CSMD1: variants seen among roughly 807,000 people sequenced by gnomAD.
CSMD1 encodes the protein CUB and sushi domain-containing protein 1.
Under a neutral mutation model 417.5 loss-of-function variants are expected in CSMD1, and 213 were observed. The ratio of observed to expected loss-of-function variants is 0.51; its 90% confidence interval spans 0.46 to 0.57. The LOEUF (loss-of-function observed/expected upper bound fraction) is 0.57. Among genes scored for constraint, CSMD1 ranks in the 20% least tolerant of loss-of-function variants. The pLI, the probability that CSMD1 is intolerant of heterozygous loss-of-function variation, is 0.00. For missense variants in CSMD1, 6,923 were observed against 4,529.7 expected, an observed-to-expected ratio of 1.53 and a Z score of -15.17; for synonymous variants, 2,862 against 1,736.8, an observed-to-expected ratio of 1.65 and a Z score of -16.11.
At chr8:3,999,327 G>C (rs886616508) in intron 4 of CSMD1, among the ~76,000 whole-genome samples, 1 of 152,116 alleles carries the variant, frequency 6.6e-6, no homozygotes, top group Non-Finnish European at 1.5e-5. Flanking sequence ...CTTACAAAGT[G>C]CATATCTTCG....
chr8:2,942,897 G>A (rs1359413072), intron 68 of CSMD1, among the ~76,000 whole-genome samples: 2 of 152,122 alleles, frequency 1.3e-5, no homozygotes, highest in Non-Finnish European at 2.9e-5. Flanking sequence ...TATAGTTATA[G>A]GTGTTTTCAC....
At chr8:4,050,590 A>G (rs73658551) in intron 3 of CSMD1, among the ~76,000 whole-genome samples, 5,786 of 152,170 alleles carry the variant, frequency 0.038, 348 homozygotes, top group African/African-American at 0.12. Flanking sequence ...ATTTCAAAAT[A>G]TACAATTAAA....
intron 12 of CSMD1, among the ~76,000 whole-genome samples, chr8:3,432,783 G>T (rs991685285): frequency 6.6e-6 from 1 of 151,982 alleles, no homozygotes; most frequent in Non-Finnish European, 1.5e-5. Context: ...CAAAGTCCTG[G>T]GATTACAGGC....
Position 4,693,767 on chromosome 8 carries a change from C to T in CSMD1, c.86-56209G>A, listed in dbSNP as rs1041988342. Among the ~76,000 whole-genome samples the T allele has an allele frequency of 3.3e-4, 6 of 18,304 alleles. No individual in the cohort carries two copies. In the African/African-American group the frequency reaches 4.1e-3, roughly 12 times the overall value. 12.0% of individuals were successfully genotyped at this position (18,304 alleles called of 152,430 possible). A position where few individuals can be genotyped will look rare whatever the true frequency, so the allele number is the denominator to read the frequency against. ...TCATAGCTCACTACAGCCCCAAATT[C>T]CTAGGCTCAAGCCATTCTCCTGCCT... On this transcript the variant is annotated intron_variant, in intron 1 of 69. Coordinates refer to ENST00000635120, the MANE Select transcript of CSMD1 (RefSeq NM_033225.6).
At chr8:3,743,468 G>A (rs762923490) in intron 6 of CSMD1, among the ~76,000 whole-genome samples, 1 of 152,190 alleles carries the variant, frequency 6.6e-6, no homozygotes, top group African/African-American at 2.4e-5. Flanking sequence ...ATAAGTAATT[G>A]ATATTGACTT....
intron 3 of CSMD1, among the ~76,000 whole-genome samples, chr8:4,142,180 C>G (rs188985062): frequency 3.3e-5 from 5 of 151,122 alleles, no homozygotes; most frequent in Non-Finnish European, 7.4e-5. Flanking sequence ...CATCATGACT[C>G]AAGATAATCA....
At chr8:3,087,938 A>G (rs1194377956) in intron 48 of CSMD1, among the ~76,000 whole-genome samples, 1 of 152,254 alleles carries the variant, frequency 6.6e-6, no homozygotes, top group Non-Finnish European at 1.5e-5. Context: ...GTAGAAATAT[A>G]TAACATTTTC....
chr8:2,973,064 G>C, intron 57 of CSMD1, 53 bp downstream of exon 57: 4 of 1,545,340 alleles, frequency 2.6e-6, no homozygotes, highest in South Asian at 2.4e-5. Context: ...ATTTTAGAAC[G>C]AGCTGTGTGG....
intron 7 of CSMD1, among the ~76,000 whole-genome samples, chr8:3,648,682 T>A (rs891062010): frequency 1.3e-5 from 2 of 152,176 alleles, no homozygotes; most frequent in African/African-American, 4.8e-5. Context: ...CTATACCAAA[T>A]CCTATAAAAA....
intron 2 of CSMD1, among the ~76,000 whole-genome samples, chr8:4,571,947 G>T (rs1798913783): frequency 6.6e-6 from 1 of 152,158 alleles, no homozygotes. Context: ...TGCAACCCAT[G>T]CTTATTTTTT....
chr8:2,973,410 G>C (rs540888508), intron 56 of CSMD1, 111 bp from the exon 57 acceptor site: 22 of 1,053,184 alleles, frequency 2.1e-5, no homozygotes, highest in Non-Finnish European at 3.1e-5. Flanking sequence ...TTTCACATGA[G>C]TTATGGTTAC....
chr8:3,483,434 G>C (rs1235011950), intron 11 of CSMD1, among the ~76,000 whole-genome samples: 1 of 151,880 alleles, frequency 6.6e-6, no homozygotes, highest in African/African-American at 2.4e-5. Context: ...ACTCAACCAA[G>C]ATAAAACAGA....
intron 1 of CSMD1, among the ~76,000 whole-genome samples, chr8:4,808,334 C>A (rs980121696): frequency 3.3e-5 from 5 of 152,150 alleles, no homozygotes; most frequent in African/African-American, 1.2e-4. Flanking sequence ...CTTTCCACCA[C>A]CCCTTCCTGC....
intron 4 of CSMD1, among the ~76,000 whole-genome samples, chr8:4,026,356 G>C (rs1797064931): frequency 6.6e-6 from 1 of 152,140 alleles, no homozygotes; most frequent in Non-Finnish European, 1.5e-5. Flanking sequence ...GAAGAACAAA[G>C]TTTCCTGTGA....
chr8:3,654,436 T>C (rs1037211042), intron 7 of CSMD1, among the ~76,000 whole-genome samples: 6 of 152,096 alleles, frequency 3.9e-5, no homozygotes, highest in Admixed American at 2.6e-4. Context: ...CCTGTGCACA[T>C]AGGGAAAAGA....
chr8:4,167,805 C>A (rs1348528857), intron 3 of CSMD1, among the ~76,000 whole-genome samples: 4 of 152,102 alleles, frequency 2.6e-5, no homozygotes, highest in Non-Finnish European at 4.4e-5. Flanking sequence ...GCCTGGGCAA[C>A]ATACTCAGAC....
chr8:3,923,978 C>T (rs1809462389), intron 5 of CSMD1, among the ~76,000 whole-genome samples: 2 of 152,182 alleles, frequency 1.3e-5, no homozygotes, highest in Non-Finnish European at 2.9e-5. Context: ...TTTGACTATA[C>T]ACTTACCTTT....
intron 3 of CSMD1, among the ~76,000 whole-genome samples, chr8:4,167,630 T>C (rs892674590): frequency 6.6e-6 from 1 of 152,154 alleles, no homozygotes; most frequent in Non-Finnish European, 1.5e-5. Flanking sequence ...GACAGATAAA[T>C]CCATCTGTTT....
intron 2 of CSMD1, among the ~76,000 whole-genome samples, chr8:4,427,605 T>C (rs1350618277): frequency 6.6e-6 from 1 of 152,156 alleles, no homozygotes; most frequent in Admixed American, 6.6e-5. Flanking sequence ...AGACTCGAAG[T>C]AAAAATTATT....
Sources: gnomAD v4.1 joint callset for allele counts (sites outside exome capture counted in the v4.1 genomes callset) on GRCh38, gnomAD v4.1.1 for gene constraint, MANE v1.5 for transcripts, NCBI Gene and HGNC (gene_info 2026-07-23, HGNC 2026-07-21) for gene names.